The following SOX6 variants were observed in gnomAD, a reference collection of about 807,000 sequenced individuals.
SOX6 encodes the protein SRY-box transcription factor 6, also known as transcription factor SOX-6.
In SOX6, 11 loss-of-function variants were observed where a neutral mutation model predicts 97.8. The observed-to-expected ratio is 0.11, with a 90% CI of 0.07 to 0.19. The LOEUF is 0.19. SOX6 is among the 10% of genes least tolerant of loss of function. The probability of loss-of-function intolerance (pLI) is 1.00; values close to 1 mark genes in which losing one functional copy is unlikely to be tolerated. For synonymous variants in SOX6, 360 were observed against 371.4 expected, an observed-to-expected ratio of 0.97 and a Z score of 0.35; for missense variants, 810 against 1,039.5, an observed-to-expected ratio of 0.78 and a Z score of 3.04.
chr11:16,513,980 G>T (rs1267299434), intron 4 of SOX6, among the ~76,000 whole-genome samples: 1 of 152,094 alleles, frequency 6.6e-6, no homozygotes, highest in Non-Finnish European at 1.5e-5. Flanking sequence ...GGAGGCCAAT[G>T]CGGGAGAATT....
At chr11:15,974,402 T>C (rs936568149) in intron 15 of SOX6, among the ~76,000 whole-genome samples, 1 of 117,360 alleles carries the variant, frequency 8.5e-6, no homozygotes, top group Non-Finnish European at 1.9e-5. Flanking sequence ...TTTTTTTTTT[T>C]ATTATACTCT....
At chr11:16,674,948 C>G (rs1232917491) in intron 3 of SOX6, among the ~76,000 whole-genome samples, 1 of 151,976 alleles carries the variant, frequency 6.6e-6, no homozygotes, top group Non-Finnish European at 1.5e-5. Context: ...CAGGGTGAGA[C>G]TCTGTCTAAA....
chr11:16,091,244 C>G (rs561177181), intron 9 of SOX6, among the ~76,000 whole-genome samples: 3 of 152,090 alleles, frequency 2.0e-5, no homozygotes, highest in African/African-American at 7.2e-5. Context: ...AGCAGAGCCC[C>G]ATGGCTGGCA....
chr11:16,634,679 A>G (rs1419095918), intron 3 of SOX6, among the ~76,000 whole-genome samples: 1 of 152,208 alleles, frequency 6.6e-6, no homozygotes, highest in Non-Finnish European at 1.5e-5. Context: ...TATTTTATCT[A>G]ACTTTTCAAA....
intron 1 of SOX6, among the ~76,000 whole-genome samples, chr11:16,423,153 C>T (rs536347915): frequency 6.6e-6 from 1 of 152,272 alleles, no homozygotes; most frequent in Non-Finnish European, 1.5e-5. Context: ...CCATTTGACT[C>T]TCATCACTCT....
chr11:16,201,237 G>A (rs1851928726), intron 4 of SOX6, among the ~76,000 whole-genome samples: 1 of 152,030 alleles, frequency 6.6e-6, no homozygotes. Context: ...CAAGAACACA[G>A]GTATAGAAAC....
intron 4 of SOX6, among the ~76,000 whole-genome samples, chr11:16,231,141 C>G (rs1852835342): frequency 6.6e-6 from 1 of 151,558 alleles, no homozygotes; most frequent in African/African-American, 2.4e-5. Context: ...CCTTTCTAAA[C>G]AAACCCCCTA....
intron 4 of SOX6, among the ~76,000 whole-genome samples, chr11:16,222,118 C>T (rs1305001532): frequency 6.6e-6 from 1 of 152,132 alleles, no homozygotes; most frequent in Admixed American, 6.6e-5. Context: ...CGACTAAATG[C>T]AGAAACAGAT....
chr11:16,219,182 T>C (rs1852465108), intron 4 of SOX6, among the ~76,000 whole-genome samples: 1 of 152,060 alleles, frequency 6.6e-6, no homozygotes, highest in African/African-American at 2.4e-5. Flanking sequence ...TCCTAAGTGC[T>C]GAAAAGAGGC....
chr11:16,112,416 T>A (rs1849253588), intron 6 of SOX6, among the ~76,000 whole-genome samples: 1 of 152,188 alleles, frequency 6.6e-6, no homozygotes, highest in African/African-American at 2.4e-5. Context: ...CAAAGCCTCA[T>A]GCATTATGTT....
chr11:16,595,350 G>A lies in SOX6; in HGVS notation n.609+16731C>T, dbSNP rs567634882. The stretch of plus-strand genomic sequence containing the variant: ...TGATTATGTCGCAGTCATATAAGCT[G>A]CAAAACTCAGTAAGTGTGTTTAACT... On this transcript the variant is annotated intron_variant and non_coding_transcript_variant, in intron 4 of 5. Coordinates refer to the SOX6 transcript ENST00000524520. Among the ~76,000 whole-genome samples, 5 of 152,122 alleles carry A rather than the reference G, an allele frequency of 3.3e-5. No individual in the cohort carries two copies. In the South Asian group the frequency reaches 6.2e-4, roughly 19 times the overall value.
intron 6 of SOX6, among the ~76,000 whole-genome samples, chr11:16,175,616 C>T (rs932964074): frequency 6.6e-6 from 1 of 151,904 alleles, no homozygotes; most frequent in African/African-American, 2.4e-5. Flanking sequence ...CAGAGTCATA[C>T]ATTCCTTACA....
At chr11:16,497,993 G>A (rs907045940) in intron 4 of SOX6, among the ~76,000 whole-genome samples, 2 of 152,090 alleles carry the variant, frequency 1.3e-5, no homozygotes, top group African/African-American at 2.4e-5. Context: ...CTCGAGAAGA[G>A]CAACTCCAAG....
intron 3 of SOX6, among the ~76,000 whole-genome samples, chr11:16,621,878 A>C (rs1031369259): frequency 2.0e-5 from 3 of 152,236 alleles, no homozygotes; most frequent in African/African-American, 4.8e-5. Context: ...AAAGAGAGAC[A>C]AAAATCTTGA....
intron 6 of SOX6, among the ~76,000 whole-genome samples, chr11:16,142,762 T>G (rs939768717): frequency 6.6e-6 from 1 of 151,306 alleles, no homozygotes; most frequent in African/African-American, 2.4e-5. Flanking sequence ...TGATGGAAGA[T>G]CAAATGAATG....
At chr11:16,622,624 AT>A (rs1848561586) in intron 3 of SOX6, among the ~76,000 whole-genome samples, 2 of 152,206 alleles carry the variant, frequency 1.3e-5, no homozygotes, top group African/African-American at 4.8e-5. Context: ...ACTGAGTAGT[AT>A]TCCATCATAT....
intron 4 of SOX6, among the ~76,000 whole-genome samples, chr11:16,189,944 A>G (rs527638033): frequency 6.6e-5 from 10 of 152,100 alleles, no homozygotes; most frequent in Non-Finnish European, 1.2e-4. Flanking sequence ...AAATACTGGA[A>G]ATTTTTCTCT....
chr11:16,426,586 G>C (rs1859140712), intron 1 of SOX6, among the ~76,000 whole-genome samples: 1 of 152,078 alleles, frequency 6.6e-6, no homozygotes, highest in African/African-American at 2.4e-5. Flanking sequence ...AATGGTGCTG[G>C]CATAACTGGC....
intron 3 of SOX6, among the ~76,000 whole-genome samples, chr11:16,618,063 C>T (rs1042169497): frequency 6.6e-6 from 1 of 151,794 alleles, no homozygotes; most frequent in Non-Finnish European, 1.5e-5. Flanking sequence ...TGTATTATTG[C>T]AAAAGCCTTC....
Sources: allele counts gnomAD v4.1 joint callset (sites outside exome capture counted in the v4.1 genomes callset), GRCh38; gene constraint gnomAD v4.1.1; transcripts MANE v1.5; gene names NCBI Gene and HGNC (gene_info 2026-07-23, HGNC 2026-07-21).